The following NXPH2 variants were observed in gnomAD, a reference collection of about 807,000 sequenced individuals.
NXPH2 encodes neurexophilin 2.
A neutral mutation model predicts 19.8 loss-of-function variants in NXPH2; 5 were observed. The ratio of observed to expected loss-of-function variants is 0.25; its 90% CI spans 0.13 to 0.53. The LOEUF (loss-of-function observed/expected upper bound fraction) is 0.53. NXPH2 is among the 20% of genes least tolerant of loss of function. NXPH2 has a pLI of 0.96. For missense variants in NXPH2, 289 were observed against 322.8 expected, an observed-to-expected ratio of 0.90 and a Z score of 0.80; for synonymous variants, 154 against 127.4, an observed-to-expected ratio of 1.21 and a Z score of -1.41.
At chr2:138,675,945 A>G (rs1378984082) in intron 1 of NXPH2, among the ~76,000 whole-genome samples, 2 of 75,704 alleles carry the variant, frequency 2.6e-5, no homozygotes, top group East Asian at 7.3e-4. Context: ...AAAAGTACAT[A>G]TATATACATA....
At chr2:138,764,300 CA>C (rs371432339) in intron 1 of NXPH2, among the ~76,000 whole-genome samples, 346 of 152,256 alleles carry the variant, frequency 2.3e-3, no homozygotes, top group African/African-American at 7.9e-3. Context: ...AAATCTGATC[CA>C]GGGGTCTCCA....
intron 1 of NXPH2, among the ~76,000 whole-genome samples, chr2:138,713,930 G>A (rs1681150525): frequency 1.3e-5 from 2 of 151,040 alleles, no homozygotes; most frequent in Non-Finnish European, 2.9e-5. Context: ...CCTATTCAGT[G>A]CACCACTCAC....
chr2:138,732,241 G>A (rs1486939160), intron 1 of NXPH2, among the ~76,000 whole-genome samples: 1 of 152,148 alleles, frequency 6.6e-6, no homozygotes, highest in African/African-American at 2.4e-5. Flanking sequence ...ATCATCTTGG[G>A]CAATCAAAGA....
intron 1 of NXPH2, among the ~76,000 whole-genome samples, chr2:138,769,474 A>G (rs890394948): frequency 1.2e-4 from 18 of 152,240 alleles, no homozygotes; most frequent in African/African-American, 2.4e-5. Flanking sequence ...AGTGCTAGAA[A>G]GAGAAAAGGA....
chr2:138,682,160 T>C (rs1680589296), intron 1 of NXPH2, among the ~76,000 whole-genome samples: 1 of 152,304 alleles, frequency 6.6e-6, no homozygotes, highest in African/African-American at 2.4e-5. Context: ...CCCAAAACCC[T>C]GTCATGATCA....
intron 1 of NXPH2, among the ~76,000 whole-genome samples, chr2:138,749,316 TA>T (rs1438493142): frequency 1.3e-5 from 2 of 152,186 alleles, no homozygotes; most frequent in African/African-American, 4.8e-5. Flanking sequence ...TTGAGTCAAT[TA>T]AACCTCTTTC....
At chr2:138,721,396 G>A (rs1209705108) in intron 1 of NXPH2, among the ~76,000 whole-genome samples, 1 of 151,516 alleles carries the variant, frequency 6.6e-6, no homozygotes, top group Non-Finnish European at 1.5e-5. Flanking sequence ...AGACTGAGAG[G>A]AACACAGGAA....
intron 1 of NXPH2, among the ~76,000 whole-genome samples, chr2:138,742,202 C>T (rs958123894): frequency 2.6e-5 from 4 of 152,106 alleles, no homozygotes; most frequent in East Asian, 1.9e-4. Context: ...GCAGCCTCAT[C>T]GTGTGAGATG....
intron 1 of NXPH2, among the ~76,000 whole-genome samples, chr2:138,719,898 A>G (rs1681250147): frequency 6.6e-6 from 1 of 152,102 alleles, no homozygotes; most frequent in Non-Finnish European, 1.5e-5. Flanking sequence ...CCACTGCTCT[A>G]TTTACTTTTT....
intron 1 of NXPH2, among the ~76,000 whole-genome samples, chr2:138,705,843 T>C (rs1252187878): frequency 6.6e-6 from 1 of 152,238 alleles, no homozygotes; most frequent in South Asian, 2.1e-4. Flanking sequence ...TTTGTATTAC[T>C]GAGTAAGCCC....
intron 1 of NXPH2, among the ~76,000 whole-genome samples, chr2:138,709,893 A>C (rs985610715): frequency 6.6e-6 from 1 of 152,142 alleles, no homozygotes; most frequent in African/African-American, 2.4e-5. Context: ...GATTTACCAC[A>C]ATTTATTTAT....
chr2:138,683,409 A>G (rs1055597088), intron 1 of NXPH2, among the ~76,000 whole-genome samples: 5 of 152,226 alleles, frequency 3.3e-5, no homozygotes, highest in African/African-American at 1.2e-4. Flanking sequence ...AGAACAGTCA[A>G]GTGAGGAATA....
chr2:138,713,597 CTGTGTGTGTGTGTG>C (rs113220668), intron 1 of NXPH2, among the ~76,000 whole-genome samples: 1 of 149,518 alleles, frequency 6.7e-6, no homozygotes, highest in Admixed American at 6.7e-5. Context: ...AGAAAACGTT[CTGTGTGTGTGTGTG>C]TGTGTGTGTG....
chr2:138,690,525 A>G (rs189686899), intron 1 of NXPH2, among the ~76,000 whole-genome samples: 1 of 152,096 alleles, frequency 6.6e-6, no homozygotes, highest in East Asian at 1.9e-4. Flanking sequence ...CCAATGCACA[A>G]TCCACTCACT....
intron 1 of NXPH2, 110 bp downstream of exon 1, chr2:138,780,081 A>C (rs1573988539): frequency 1.8e-6 from 2 of 1,099,808 alleles, no homozygotes; most frequent in Non-Finnish European, 2.4e-6. Context: ...CGCGCCCCCA[A>C]CCCCACTTCC....
intron 1 of NXPH2, among the ~76,000 whole-genome samples, chr2:138,763,817 T>G (rs1325791263): frequency 6.6e-6 from 1 of 152,190 alleles, no homozygotes; most frequent in Non-Finnish European, 1.5e-5. Context: ...AGATGGAATA[T>G]GCCACCCCAA....
intron 1 of NXPH2, among the ~76,000 whole-genome samples, chr2:138,766,991 T>A (rs2104842066): frequency 6.6e-6 from 1 of 152,342 alleles, no homozygotes; most frequent in African/African-American, 2.4e-5. Flanking sequence ...TAATATTAGA[T>A]GGCTTCTATT....
intron 1 of NXPH2, among the ~76,000 whole-genome samples, chr2:138,678,079 C>G (rs1194463844): frequency 6.6e-6 from 1 of 152,172 alleles, no homozygotes; most frequent in Non-Finnish European, 1.5e-5. Context: ...TTGGTCATCA[C>G]CAATCCTTAG....
At chr2:138,762,598 G>C (rs1009712123) in intron 1 of NXPH2, among the ~76,000 whole-genome samples, 1 of 152,108 alleles carries the variant, frequency 6.6e-6, no homozygotes, top group Non-Finnish European at 1.5e-5. Flanking sequence ...GATGAGAAGG[G>C]TTTATTACAC....
Sources: allele counts gnomAD v4.1 joint callset (sites outside exome capture counted in the v4.1 genomes callset), GRCh38; gene constraint gnomAD v4.1.1; transcripts MANE v1.5; gene names NCBI Gene and HGNC (gene_info 2026-07-23, HGNC 2026-07-21).